ST3GAL3: variants seen among roughly 807,000 people sequenced by gnomAD.
The protein encoded by ST3GAL3 is ST3 beta-galactoside alpha-2,3-sialyltransferase 3, also known as CMP-N-acetylneuraminate-beta-1,4-galactoside alpha-2,3-sialyltransferase.
ST3GAL3 carries 21 observed loss-of-function variants against 50.1 expected under a neutral mutation model. That is an observed-to-expected ratio of 0.42 (90% CI 0.30 to 0.60). The LOEUF is 0.60. ST3GAL3 is among the 20% of genes least tolerant of loss of function. The probability of loss-of-function intolerance (pLI) is 0.19; values close to 1 mark genes in which losing one functional copy is unlikely to be tolerated. For synonymous variants in ST3GAL3, 183 were observed against 190.0 expected, an observed-to-expected ratio of 0.96 and a Z score of 0.30; for missense variants, 353 against 489.4, an observed-to-expected ratio of 0.72 and a Z score of 2.63.
intron 5 of ST3GAL3, among the ~76,000 whole-genome samples, chr1:43,884,847 A>G (rs2075716999): frequency 6.6e-6 from 1 of 152,208 alleles, no homozygotes; most frequent in African/African-American, 2.4e-5. Context: ...ACCCTAATCC[A>G]GCAAACCCAT....
intron 2 of ST3GAL3, among the ~76,000 whole-genome samples, chr1:43,747,890 A>G (rs1216138768): frequency 6.6e-6 from 1 of 151,918 alleles, no homozygotes; most frequent in African/African-American, 2.4e-5. Context: ...CAGCTCAGGG[A>G]TTTTTATGGA....
chr1:43,796,792 A>C (rs556879241), intron 3 of ST3GAL3, among the ~76,000 whole-genome samples: 3 of 152,396 alleles, frequency 2.0e-5, no homozygotes, highest in Admixed American at 2.0e-4. Context: ...AGATGTTTGA[A>C]TAATCTAATA....
intron 2 of ST3GAL3, among the ~76,000 whole-genome samples, chr1:43,746,555 T>G (rs1292313565): frequency 6.6e-6 from 1 of 150,976 alleles, no homozygotes; most frequent in Non-Finnish European, 1.5e-5. Context: ...CTCCGCCTCC[T>G]GGGTTCATGC....
intron 3 of ST3GAL3, among the ~76,000 whole-genome samples, chr1:43,814,135 G>A (rs2060956357): frequency 6.6e-6 from 1 of 152,054 alleles, no homozygotes; most frequent in Non-Finnish European, 1.5e-5. Context: ...GGAAAATCTT[G>A]GGGACAGATC....
At chr1:43,753,207 T>C (rs1044166529) in intron 2 of ST3GAL3, among the ~76,000 whole-genome samples, 4 of 152,234 alleles carry the variant, frequency 2.6e-5, no homozygotes, top group African/African-American at 9.6e-5. Flanking sequence ...AGGGACCCTG[T>C]ACACGCGTGG....
chr1:43,809,941 C>T (rs1310586274), intron 3 of ST3GAL3, among the ~76,000 whole-genome samples: 8 of 146,698 alleles, frequency 5.5e-5, no homozygotes, highest in South Asian at 4.3e-4. Context: ...TGCAGTGAGC[C>T]GGGATTGCAC....
chr1:43,879,557 G>A, intron 5 of ST3GAL3: 1 of 375,780 alleles, frequency 2.7e-6, no homozygotes, highest in Non-Finnish European at 5.3e-6. Flanking sequence ...AACAGGACTT[G>A]CTGATGAATT....
At chr1:43,846,915 G>C (rs1320376126) in intron 5 of ST3GAL3, among the ~76,000 whole-genome samples, 1 of 152,194 alleles carries the variant, frequency 6.6e-6, no homozygotes, top group Non-Finnish European at 1.5e-5. Context: ...AGAGGTTAAT[G>C]TTGTCCAGAA....
rs145557740 is a variant in ST3GAL3, at chr1:43,881,403, A to C, written c.303-12980A>C. Among the ~76,000 whole-genome samples the C allele has an allele frequency of 3.2e-3, 482 of 152,358 alleles. 1 individual carries two copies. Among genetic ancestry groups the C allele is most frequent in the African/African-American group, 0.011 (459 of 41,582 alleles). On this transcript the variant is annotated intron_variant, in intron 5 of 11. Coordinates refer to ENST00000347631, the MANE Select transcript of ST3GAL3 (RefSeq NM_006279.5). ...GAGACACAGACGGTAGATGCTGGTC[A>C]CCAACAGGACCGTGCCTTTGGGCTT...
At chr1:43,847,550 G>A (rs2066466104) in intron 5 of ST3GAL3, among the ~76,000 whole-genome samples, 1 of 152,202 alleles carries the variant, frequency 6.6e-6, no homozygotes, top group African/African-American at 2.4e-5. Context: ...CAAATATTGT[G>A]TGATTCCATT....
At chr1:43,793,036 A>G (rs1336471858) in intron 3 of ST3GAL3, among the ~76,000 whole-genome samples, 2 of 152,116 alleles carry the variant, frequency 1.3e-5, no homozygotes, top group African/African-American at 4.8e-5. Context: ...TGGTAGATTG[A>G]TGATTCACAA....
At chr1:43,905,118 C>T (rs2079045143) in intron 9 of ST3GAL3, among the ~76,000 whole-genome samples, 1 of 132,414 alleles carries the variant, frequency 7.6e-6, no homozygotes, top group South Asian at 2.8e-4. Flanking sequence ...CCTCTTCCTG[C>T]CACTCTTCCT....
At chr1:43,821,465 A>G (rs1328578569) in intron 4 of ST3GAL3, among the ~76,000 whole-genome samples, 1 of 152,186 alleles carries the variant, frequency 6.6e-6, no homozygotes, top group East Asian at 1.9e-4. Context: ...GTTTGAGGAT[A>G]TAAAGGAACA....
At chr1:43,797,650 G>A (rs1185957274) in intron 3 of ST3GAL3, among the ~76,000 whole-genome samples, 3 of 151,974 alleles carry the variant, frequency 2.0e-5, no homozygotes, top group South Asian at 4.2e-4. Flanking sequence ...TCCTGACATC[G>A]GCCATCTACA....
intron 2 of ST3GAL3, among the ~76,000 whole-genome samples, chr1:43,785,632 G>A (rs1288095867): frequency 9.9e-5 from 15 of 152,170 alleles, no homozygotes; most frequent in Admixed American, 9.2e-4. Flanking sequence ...GTGACTCTTG[G>A]CTCTGATGCT....
At chr1:43,714,095 CT>C (rs1291161592) in intron 1 of ST3GAL3, among the ~76,000 whole-genome samples, 2 of 151,604 alleles carry the variant, frequency 1.3e-5, no homozygotes, top group African/African-American at 4.9e-5. Context: ...GAAACCCCGT[CT>C]CTATTAAAAA....
intron 4 of ST3GAL3, among the ~76,000 whole-genome samples, chr1:43,819,460 A>G (rs2061810623): frequency 6.9e-6 from 1 of 145,054 alleles, no homozygotes; most frequent in Admixed American, 7.0e-5. Flanking sequence ...TTAAAAATGT[A>G]AAAGACATTC....
chr1:43,866,231 C>T (rs2071292157), intron 5 of ST3GAL3, among the ~76,000 whole-genome samples: 1 of 152,162 alleles, frequency 6.6e-6, no homozygotes, highest in Non-Finnish European at 1.5e-5. Flanking sequence ...ACAGAGAATA[C>T]CTGGGAGAAG....
intron 1 of ST3GAL3, among the ~76,000 whole-genome samples, chr1:43,725,888 G>A (rs997098815): frequency 6.6e-6 from 1 of 151,996 alleles, no homozygotes; most frequent in Non-Finnish European, 1.5e-5. Flanking sequence ...CAAGTGATGT[G>A]CCTGCCTTAG....
Sources: gnomAD v4.1 joint callset for allele counts (sites outside exome capture counted in the v4.1 genomes callset) on GRCh38, gnomAD v4.1.1 for gene constraint, MANE v1.5 for transcripts, NCBI Gene and HGNC (gene_info 2026-07-23, HGNC 2026-07-21) for gene names.